The following FAM193A variants were observed in gnomAD, a reference collection of about 807,000 sequenced individuals.
FAM193A encodes the protein protein FAM193A.
In FAM193A, 22 loss-of-function variants were observed where a neutral mutation model predicts 126.5. That is an observed-to-expected ratio of 0.17 (90% confidence interval 0.12 to 0.25). FAM193A has a LOEUF of 0.25. FAM193A is among the 10% of genes least tolerant of loss of function. FAM193A has a pLI of 1.00. For synonymous variants in FAM193A, 761 were observed against 646.8 expected, an observed-to-expected ratio of 1.18 and a Z score of -2.68; for missense variants, 1,675 against 1,672.8, an observed-to-expected ratio of 1.00 and a Z score of -0.02.
chr4:2,599,358 G>A (rs545811746), intron 2 of FAM193A, among the ~76,000 whole-genome samples: 6 of 151,986 alleles, frequency 3.9e-5, no homozygotes, highest in African/African-American at 1.2e-4. Flanking sequence ...TGGTCACTTC[G>A]GCTCTCTGAT....
In FAM193A at chr4:2,607,447, C is replaced by G. The variant is rs367580917; in HGVS notation, c.501+11118C>G. Among the ~76,000 whole-genome samples, 11 of 152,244 alleles carry G rather than the reference C, an allele frequency of 7.2e-5. No homozygotes were observed. In the East Asian group the frequency reaches 7.7e-4, roughly 11 times the overall value. On this transcript the variant is annotated intron_variant, in intron 2 of 20. Transcript: ENST00000637812. ...GGTACAAATTTGAAAATAGTTTTGA[C>G]TCGTGGGCCTGCTGAAGGGTGTTAG...
At chr4:2,728,603 C>T (rs890396310) in intron 20 of FAM193A, among the ~76,000 whole-genome samples, 4 of 152,032 alleles carry the variant, frequency 2.6e-5, no homozygotes, top group African/African-American at 7.2e-5. Context: ...ATTTTGTTCC[C>T]TCTTCAGAGA....
At chr4:2,636,449 T>C (rs994097894) in intron 5 of FAM193A, among the ~76,000 whole-genome samples, 2 of 152,186 alleles carry the variant, frequency 1.3e-5, no homozygotes, top group Non-Finnish European at 2.9e-5. Context: ...AATGGTTAGT[T>C]GCGATGTAGA....
Position 2,650,802 on chromosome 4 carries a change from G to A in FAM193A, c.1311+3970G>A, listed in dbSNP as rs1745586996. 2.6e-5 allele frequency among the ~76,000 whole-genome samples: 4 copies of A among 152,282 alleles called. No homozygotes were observed. The South Asian group carries it at 8.3e-4, about 32-fold the overall frequency. On this transcript the variant is annotated intron_variant, in intron 7 of 20. Transcript: ENST00000637812. Reference sequence around the variant, plus strand: ...CCAAGGACCGCATAAAAAAAGAGGAGCCCCAAGCACCTTCTGGGTAGGCAT... The same window carrying A: ...CCAAGGACCGCATAAAAAAAGAGGAACCCCAAGCACCTTCTGGGTAGGCAT...
chr4:2,675,542 C>T (rs1304731458), intron 13 of FAM193A, among the ~76,000 whole-genome samples: 3 of 152,222 alleles, frequency 2.0e-5, no homozygotes, highest in African/African-American at 7.2e-5. Context: ...AAAGTCTGCT[C>T]TGCCTGAAAT....
chr4:2,728,215 C>T (rs548437058), intron 20 of FAM193A, among the ~76,000 whole-genome samples: 2 of 144,594 alleles, frequency 1.4e-5, no homozygotes, highest in East Asian at 2.0e-4. Context: ...GGATTACAGG[C>T]GTGAGCTGCC....
chr4:2,625,625 G>GA, intron 3 of FAM193A: 1 of 335,932 alleles, frequency 3.0e-6, no homozygotes, highest in Non-Finnish European at 5.4e-6. Context: ...TAAATAATCA[G>GA]AATCTAAGAG....
chr4:2,585,579 T>C (rs1016928719), intron 1 of FAM193A, among the ~76,000 whole-genome samples: 1 of 152,246 alleles, frequency 6.6e-6, no homozygotes, highest in Non-Finnish European at 1.5e-5. Context: ...TTTTCTCATT[T>C]TTCACTTTTT....
intron 2 of FAM193A, among the ~76,000 whole-genome samples, chr4:2,620,858 A>AT (rs1742505043): frequency 7.0e-6 from 1 of 142,452 alleles, no homozygotes; most frequent in African/African-American, 2.5e-5. Context: ...AAAAAAAAAA[A>AT]GTAATTAACA....
chr4:2,540,359 T>C (rs1473271260), intron 1 of FAM193A, among the ~76,000 whole-genome samples: 1 of 152,028 alleles, frequency 6.6e-6, no homozygotes, highest in Non-Finnish European at 1.5e-5. Context: ...TCCCAGCTAC[T>C]CCGGAGGCTG....
chr4:2,689,511 A>T lies in FAM193A; in HGVS notation c.2337A>T (p.Leu779Phe), dbSNP rs1226403800. 1 of 1,550,186 alleles carries T rather than the reference A, an allele frequency of 6.5e-7. No homozygotes were observed. The highest frequency in any genetic ancestry group is 8.6e-7 in the Non-Finnish European group (1 of 1,160,520). Residue 779 changes from leucine to phenylalanine, a missense_variant, in exon 14 of 21, where the codon TTA becomes TTT. Coordinates refer to ENST00000637812, the MANE Select transcript of FAM193A (RefSeq NM_001366318.2). The part of the protein sequence containing the change: ...ATPPFTHSKA[L>F]PPAPVQNHTN... ...TAGAAAATTTTTTTTTGTAGGCTTT[A>T]CCGCCAGCACCTGTTCAGAATCACA...
At chr4:2,702,051 C>T (rs1056772443) in intron 19 of FAM193A, among the ~76,000 whole-genome samples, 4 of 152,154 alleles carry the variant, frequency 2.6e-5, no homozygotes, top group African/African-American at 7.2e-5. Flanking sequence ...GGATTACAGG[C>T]GTGAGCTGCC....
At chr4:2,713,349 T>A (rs1478361416) in intron 19 of FAM193A, among the ~76,000 whole-genome samples, 2 of 149,118 alleles carry the variant, frequency 1.3e-5, no homozygotes, top group Non-Finnish European at 3.0e-5. Flanking sequence ...GAGGTTGCAG[T>A]GAGCTGAGAT....
At chr4:2,619,748 C>T (rs570355987) in intron 2 of FAM193A, among the ~76,000 whole-genome samples, 5 of 151,928 alleles carry the variant, frequency 3.3e-5, no homozygotes, top group Non-Finnish European at 5.9e-5. Flanking sequence ...TGCAGTGGCA[C>T]GATCTAGTCT....
rs557640851 is a variant in FAM193A at position 2,632,128 on chromosome 4, G to A, written c.1038+959G>A. Among the ~76,000 whole-genome samples the A allele has an allele frequency of 2.6e-5, 4 of 152,234 alleles. No individual in the cohort carries two copies. The East Asian group carries it at 7.7e-4, about 29-fold the overall frequency. On this transcript the variant is annotated intron_variant, in intron 5 of 20. Coordinates refer to ENST00000637812, the MANE Select transcript of FAM193A (RefSeq NM_001366318.2). ...ACTTGGACTCTGAACAGAGTCCAAA[G>A]GTGGTACAGGGCATCACATGGCGAG... is the stretch of plus-strand genomic sequence containing the variant.
intron 13 of FAM193A, among the ~76,000 whole-genome samples, chr4:2,682,327 T>G (rs903505509): frequency 1.3e-5 from 2 of 152,026 alleles, no homozygotes; most frequent in Non-Finnish European, 2.9e-5. Context: ...ATAGTTGTGT[T>G]TGTTTGTTTT....
chr4:2,603,324 G>T (rs1330969258), intron 2 of FAM193A, among the ~76,000 whole-genome samples: 1 of 147,372 alleles, frequency 6.8e-6, no homozygotes, highest in Non-Finnish European at 1.5e-5. Flanking sequence ...CACGCTTGTT[G>T]CCCAGGCTGG....
intron 2 of FAM193A, among the ~76,000 whole-genome samples, chr4:2,616,832 C>G (rs2108955651): frequency 6.6e-6 from 1 of 150,414 alleles, no homozygotes; most frequent in Non-Finnish European, 1.5e-5. Flanking sequence ...TCCCAAAGTG[C>G]TGGGGTTACA....
intron 20 of FAM193A, among the ~76,000 whole-genome samples, chr4:2,728,512 G>T (rs1337347047): frequency 6.6e-6 from 1 of 151,994 alleles, no homozygotes; most frequent in African/African-American, 2.4e-5. Flanking sequence ...AGAAAATATG[G>T]CCTGACAGAT....
Sources: gnomAD v4.1 joint callset for allele counts (sites outside exome capture counted in the v4.1 genomes callset) on GRCh38, gnomAD v4.1.1 for gene constraint, MANE v1.5 for transcripts, NCBI Gene and HGNC (gene_info 2026-07-23, HGNC 2026-07-21) for gene names.